Variants in FAM118B observed in about 807,000 individuals in gnomAD.
FAM118B encodes the protein protein FAM118B.
FAM118B carries 24 observed loss-of-function variants against 38.5 expected under a neutral mutation model. The observed-to-expected ratio is 0.62, with a 90% CI of 0.45 to 0.88. The LOEUF is 0.88. FAM118B is among the 40% of genes least tolerant of loss of function. The pLI is 0.00. For missense variants in FAM118B, 334 were observed against 420.0 expected, an observed-to-expected ratio of 0.80 and a Z score of 1.79; for synonymous variants, 138 against 156.3, an observed-to-expected ratio of 0.88 and a Z score of 0.87.
chr11:126,218,323 C>G (rs894145654), intron 1 of FAM118B, among the ~76,000 whole-genome samples: 2 of 152,142 alleles, frequency 1.3e-5, no homozygotes, highest in African/African-American at 2.4e-5. Flanking sequence ...CGACTTGCTC[C>G]CACACCTCAC....
At chr11:126,211,990 C>T (rs1157941926) in intron 1 of FAM118B, among the ~76,000 whole-genome samples, 160 bp downstream of exon 1, 1 of 152,202 alleles carries the variant, frequency 6.6e-6, no homozygotes. Context: ...TCCCCGCCCC[C>T]GCGCCCCCTT....
At chr11:126,225,831 T>C (rs1302103503) in intron 1 of FAM118B, among the ~76,000 whole-genome samples, 1 of 152,040 alleles carries the variant, frequency 6.6e-6, no homozygotes, top group African/African-American at 2.4e-5. Context: ...AATACAAAAA[T>C]TAGCTGGGCG....
At chr11:126,239,714 A>G (rs1950330394) in intron 3 of FAM118B, among the ~76,000 whole-genome samples, 1 of 152,130 alleles carries the variant, frequency 6.6e-6, no homozygotes, top group South Asian at 2.1e-4. Context: ...GAGTTTCACC[A>G]TGTTGGCCAG....
At chr11:126,249,805 G>A (rs1268231716) in intron 4 of FAM118B, among the ~76,000 whole-genome samples, 1 of 151,414 alleles carries the variant, frequency 6.6e-6, no homozygotes, top group South Asian at 2.1e-4. Flanking sequence ...TCTCAGTGGC[G>A]TTTCCCTACA....
chr11:126,262,208 T>TA lies in FAM118B; in HGVS notation c.*76dup, dbSNP rs1378975904. On this transcript the variant is annotated 3_prime_UTR_variant, in exon 9 of 9. Transcript: ENST00000533050. Reference sequence around the variant, plus strand: ...ACAGACAGTGTTTAACAAGTAAACTTACAAGAACCCAACACAATTCCCAGA... The same window carrying TA: ...ACAGACAGTGTTTAACAAGTAAACTTAACAAGAACCCAACACAATTCCCAGA... 25 of 1,509,162 alleles carry TA rather than the reference T, an allele frequency of 1.7e-5. No homozygotes were observed. The highest frequency in any genetic ancestry group is 1.2e-4 in the African/African-American group (9 of 72,544). The allele number at this position is 1,509,162 out of a possible 1,614,324, so 93.5% of individuals were successfully genotyped here.
intron 3 of FAM118B, among the ~76,000 whole-genome samples, chr11:126,239,769 C>T (rs1950331258): frequency 6.6e-6 from 1 of 152,134 alleles, no homozygotes; most frequent in Non-Finnish European, 1.5e-5. Context: ...CCACCTTGGC[C>T]CCCCAAAGTG....
chr11:126,246,256 A>G (rs1950418260), intron 4 of FAM118B, among the ~76,000 whole-genome samples: 2 of 152,176 alleles, frequency 1.3e-5, no homozygotes, highest in South Asian at 2.1e-4. Context: ...GGAAATGTCC[A>G]TATTAGAAAA....
rs1361845862 is a variant in FAM118B, at chr11:126,239,981, G to A, written c.87-811G>A. Among the ~76,000 whole-genome samples the A allele has an allele frequency of 3.3e-5, 5 of 152,200 alleles. 1 individual carries two copies. The highest frequency in any genetic ancestry group is 3.3e-4 in the Admixed American group (5 of 15,280). ...CTCCATTTTATTATTTAGACAAAAA[G>A]GTTGGGGAGAAGCCATTTTCAGGGG... On this transcript the variant is annotated intron_variant, in intron 3 of 8. Transcript: ENST00000533050.
Position 126,244,128 on chromosome 11 carries a change from A to G in FAM118B, c.339+3084A>G, listed in dbSNP as rs1327552254. 1.3e-5 allele frequency among the ~76,000 whole-genome samples: 2 copies of G among 152,222 alleles called. No individual in the cohort carries two copies. The highest frequency in any genetic ancestry group is 1.9e-4 in the East Asian group (1 of 5,200). ...GATAAAGACCGTATATGAAAAACTC[A>G]CAGTTAACATATTTAATGGTGAAAG... is the stretch of plus-strand genomic sequence containing the variant. On this transcript the variant is annotated intron_variant, in intron 4 of 8. Transcript: ENST00000533050. This position sits in a 1 kb window ranked among gnomAD's most constrained non-coding sequence, Gnocchi z 4.5.
At position 126,258,744 on chromosome 11, in the gene FAM118B, A is replaced by G. The variant is rs144787470; in HGVS notation, c.982+1892A>G. Among the ~76,000 whole-genome samples the G allele has an allele frequency of 6.9e-4, 105 of 152,350 alleles. No individual in the cohort carries two copies. In the East Asian group the frequency reaches 0.018, roughly 26 times the overall value. ...CAAGACATACATATCCAAGTTCTAC[A>G]TATTTCTTTTGATCTATATGCTGAG... On this transcript the variant is annotated intron_variant, in intron 7 of 8. Coordinates refer to ENST00000533050, the MANE Select transcript of FAM118B (RefSeq NM_024556.4).
rs1489485168 is a variant in FAM118B at position 126,253,149 on chromosome 11, C to A, written c.568-1156C>A. Among the ~76,000 whole-genome samples the A allele has an allele frequency of 6.6e-6, 1 of 152,156 alleles. No homozygotes were observed. The highest frequency in any genetic ancestry group is 1.5e-5 in the Non-Finnish European group (1 of 68,024). ...TCATGGATATCAGAAGCATAAGGAC[C>A]TTTTAAAAGCTGAGGATATCTATCA... On this transcript the variant is annotated intron_variant, in intron 5 of 8. Coordinates refer to ENST00000533050, the MANE Select transcript of FAM118B (RefSeq NM_024556.4). The surrounding 1 kb of genome is among the most constrained non-coding windows in gnomAD (Gnocchi z 5.1).
intron 1 of FAM118B, among the ~76,000 whole-genome samples, chr11:126,225,313 G>A (rs1031878864): frequency 2.0e-5 from 3 of 152,116 alleles, no homozygotes; most frequent in African/African-American, 7.2e-5. Context: ...TGTTCCCTAA[G>A]TTTCCAATCT....
Position 126,252,213 on chromosome 11 carries a change from C to G in FAM118B, c.567+1480C>G, listed in dbSNP as rs893470032. Among the ~76,000 whole-genome samples, 2 of 152,176 alleles carry G rather than the reference C, an allele frequency of 1.3e-5. No individual in the cohort carries two copies. Among genetic ancestry groups the G allele is most frequent in the Admixed American group, 6.5e-5 (1 of 15,278 alleles). The stretch of plus-strand genomic sequence containing the variant: ...TGTTGGCCAGGCTGGTCTCGAACTC[C>G]TGACCTCAGGTGATCTGCCCACCTT... On this transcript the variant is annotated intron_variant, in intron 5 of 8. Transcript: ENST00000533050. The surrounding 1 kb of genome is among the most constrained non-coding windows in gnomAD (Gnocchi z 4.7).
intron 7 of FAM118B, among the ~76,000 whole-genome samples, chr11:126,257,938 T>C (rs993145685): frequency 6.6e-6 from 1 of 152,108 alleles, no homozygotes; most frequent in Non-Finnish European, 1.5e-5. Context: ...CACAAACATT[T>C]TTGGTATCAG....
intron 4 of FAM118B, among the ~76,000 whole-genome samples, chr11:126,243,132 A>G (rs1392576789): frequency 7.9e-5 from 12 of 152,250 alleles, no homozygotes; most frequent in Admixed American, 7.9e-4. Context: ...TTCCATTCAT[A>G]TAAAATGTCC....
chr11:126,260,504 G>A (rs1008760029), intron 7 of FAM118B: 6 of 151,788 alleles, frequency 4.0e-5, no homozygotes, highest in African/African-American at 1.2e-4. Context: ...TCCAGTAGGG[G>A]TGTTACAGTT....
At chr11:126,220,112 A>C (rs947401534) in intron 1 of FAM118B, among the ~76,000 whole-genome samples, 4 of 152,198 alleles carry the variant, frequency 2.6e-5, no homozygotes, top group Non-Finnish European at 4.4e-5. Context: ...AGCAGTGGTT[A>C]GCTCCACGTT....
chr11:126,256,709 G>A lies in FAM118B; in HGVS notation c.839G>A (p.Arg280Lys). The A allele has an allele frequency of 1.2e-6, 2 of 1,614,202 alleles. No individual in the cohort carries two copies. The highest frequency in any genetic ancestry group is 1.7e-6 in the Non-Finnish European group (2 of 1,180,032). Reference sequence around the variant, plus strand: ...CTAGAACATTTCATGCTGGTTCGGAGAGGAGACGTAGATGAGTTCAAAAAG... The same window carrying A: ...CTAGAACATTTCATGCTGGTTCGGAAAGGAGACGTAGATGAGTTCAAAAAG... ...SDLEHFMLVR[R>K]GDVDEFKKLR... Residue 280 changes from arginine to lysine, a missense_variant, in exon 7 of 9, where the codon AGA (arginine) becomes AAA (lysine). Physicochemically the swap from Arg to Lys is conservative, Grantham distance 26 (BLOSUM62 2). Transcript: ENST00000533050. The surrounding 1 kb of genome is among the most constrained non-coding windows in gnomAD (Gnocchi z 6.6).
chr11:126,221,162 G>A (rs768223059), intron 1 of FAM118B, among the ~76,000 whole-genome samples: 26 of 152,176 alleles, frequency 1.7e-4, no homozygotes, highest in Non-Finnish European at 3.1e-4. Context: ...ACTCCAGCCT[G>A]GGTGACAGAG....
Sources: allele counts gnomAD v4.1 joint callset (sites outside exome capture counted in the v4.1 genomes callset), GRCh38; gene constraint gnomAD v4.1.1; non-coding constraint Gnocchi (gnomAD v3.1); transcripts MANE v1.5; gene names NCBI Gene and HGNC (gene_info 2026-07-23, HGNC 2026-07-21).